The following C7 variants were observed in gnomAD, a reference collection of about 807,000 sequenced individuals.
C7 encodes complement component C7.
In C7, 83 loss-of-function variants were observed where a neutral mutation model predicts 104.8. The observed-to-expected ratio is 0.79, with a 90% CI of 0.66 to 0.95. C7 has a LOEUF of 0.95. Among genes scored for constraint, C7 ranks in the 40% least tolerant of loss-of-function variants. C7 has a pLI of 0.00. For synonymous variants in C7, 415 were observed against 360.6 expected (o/e 1.15, Z -1.71); for missense variants, 1,070 against 1,011.2 (o/e 1.06, Z -0.79).
At chr5:40,936,556 T>C (rs1739822269) in intron 5 of C7, 71 bp downstream of exon 5, 5 of 1,450,028 alleles carry the variant, frequency 3.4e-6, no homozygotes, top group Non-Finnish European at 3.8e-6. Flanking sequence ...TTTTATAGTT[T>C]GGTAAGTCTA....
intron 1 of C7, among the ~76,000 whole-genome samples, chr5:40,923,786 C>T (rs927775824): frequency 6.6e-6 from 1 of 151,378 alleles, no homozygotes; most frequent in South Asian, 2.1e-4. Context: ...AAATGTCATG[C>T]ACTTTAAAAC....
chr5:40,955,361 CTT>C (rs756494404), intron 9 of C7, 24 bp from the exon 10 acceptor site: 2 of 1,557,820 alleles, frequency 1.3e-6, no homozygotes, highest in South Asian at 2.5e-5. Context: ...AGACTTTTCA[CTT>C]TTCATTTGCT....
At chr5:40,972,346 T>C in intron 14 of C7, 57 bp from the exon 15 acceptor site, 1 of 1,461,528 alleles carries the variant, frequency 6.8e-7, no homozygotes, top group Non-Finnish European at 9.5e-7. Context: ...AAGACTTTTT[T>C]AAAAAGATGG....
chr5:40,959,432 T>C lies in C7; in HGVS notation c.1490-17T>C. On this transcript the variant is annotated splice_polypyrimidine_tract_variant and intron_variant, in intron 11 of 17. Coordinates refer to ENST00000313164, the MANE Select transcript of C7 (RefSeq NM_000587.4). Reference sequence around the variant, plus strand: ...CTCTTTAAGAACTTATTGATCAACCTCTTTCTCATCTTGTAGGAGGGGTTG... The same window carrying C: ...CTCTTTAAGAACTTATTGATCAACCCCTTTCTCATCTTGTAGGAGGGGTTG... 6.2e-7 allele frequency: 1 copy of C among 1,604,232 alleles called. No homozygotes were observed. Among genetic ancestry groups the C allele is most frequent in the Non-Finnish European group, 8.5e-7 (1 of 1,175,874 alleles).
chr5:40,954,500 TACTC>T (rs1335404623), intron 9 of C7, among the ~76,000 whole-genome samples: 15 of 152,192 alleles, frequency 9.9e-5, no homozygotes, highest in African/African-American at 3.4e-4. Context: ...CATAATGTGA[TACTC>T]ACACTAAAAA....
intron 13 of C7, 37 bp downstream of exon 13, chr5:40,962,209 T>C: frequency 8.3e-7 from 1 of 1,210,738 alleles, no homozygotes; most frequent in Non-Finnish European, 1.2e-6. Context: ...TTTATAATGC[T>C]CTAACTTCTA....
In C7 at chr5:40,984,195, C is replaced by T. The variant is rs548622187; in HGVS notation, c.*2622C>T. Among the ~76,000 whole-genome samples the T allele has an allele frequency of 6.6e-6, 1 of 152,250 alleles. No individual in the cohort carries two copies. Among genetic ancestry groups the T allele is most frequent in the South Asian group, 2.1e-4 (1 of 4,816 alleles). ...TCTCTAAGCCCTGAGATTTAATGAG[C>T]CCCATTCAAACTGTTATTAATGTAA... is the stretch of plus-strand genomic sequence containing the variant. On this transcript the variant is annotated 3_prime_UTR_variant, in exon 18 of 18. Coordinates refer to ENST00000313164, the MANE Select transcript of C7 (RefSeq NM_000587.4).
At position 40,982,518 on chromosome 5, in the gene C7, G is replaced by T. The variant is rs1061442; in HGVS notation, c.*945G>T. 0.19 allele frequency: 29,048 copies of T among 152,206 alleles called. 3,084 individuals are homozygous for T. Among genetic ancestry groups the T allele is most frequent in the Middle Eastern group, 0.36 (106 of 294 alleles). The allele number at this position is 152,206 out of a possible 1,614,324, so 9.4% of individuals were successfully genotyped here. ...AATTCATTATGCTGTGGTCACAGGG[G>T]TGTCTTGTCTGAGAACAAATACAAT... On this transcript the variant is annotated 3_prime_UTR_variant, in exon 18 of 18. Transcript: ENST00000313164.
At chr5:40,941,773 C>A (rs1327203757) in intron 6 of C7, among the ~76,000 whole-genome samples, 1 of 152,162 alleles carries the variant, frequency 6.6e-6, no homozygotes, top group Non-Finnish European at 1.5e-5. Flanking sequence ...GGTAAAGACC[C>A]ATTTGCAGGG....
intron 12 of C7, among the ~76,000 whole-genome samples, 191 bp from the exon 13 acceptor site, chr5:40,961,894 T>A (rs1174892136): frequency 6.6e-6 from 1 of 152,198 alleles, no homozygotes; most frequent in East Asian, 1.9e-4. Context: ...TTTTGTTAGC[T>A]TGAGTTTATG....
At chr5:40,976,269 C>T (rs771077156) in intron 15 of C7, among the ~76,000 whole-genome samples, 14 of 152,170 alleles carry the variant, frequency 9.2e-5, no homozygotes, top group Non-Finnish European at 1.8e-4. Flanking sequence ...TCATTATGGG[C>T]ACAGCAGGCA....
chr5:40,929,253 GTGT>G (rs770760240), intron 2 of C7, among the ~76,000 whole-genome samples: 2 of 152,146 alleles, frequency 1.3e-5, no homozygotes, highest in Non-Finnish European at 2.9e-5. Flanking sequence ...CAATATGAAT[GTGT>G]TAAGGGCTCT....
intron 13 of C7, among the ~76,000 whole-genome samples, chr5:40,962,540 C>T (rs1227641000): frequency 5.9e-5 from 9 of 151,690 alleles, no homozygotes; most frequent in African/African-American, 1.7e-4. Flanking sequence ...TTTTTTTTTC[C>T]CCCTCATAAC....
Position 40,947,688 on chromosome 5 carries a change from A to G in C7, c.825A>G (p.Pro275=), listed in dbSNP as rs1183792271. The G allele has an allele frequency of 1.2e-6, 2 of 1,613,776 alleles. No individual in the cohort carries two copies. The highest frequency in any genetic ancestry group is 1.7e-6 in the Non-Finnish European group (2 of 1,179,788). The change falls in exon 8 of 18, where the codon CCA becomes CCG. Residue 275 remains proline, a synonymous_variant. Coordinates refer to ENST00000313164, the MANE Select transcript of C7 (RefSeq NM_000587.4). ...CAGAATTTTTACAACTTGCTGAGCCATTCTGGAAGGAGCTTTCCCACCTCC... is the reference window on the plus strand; with the variant it reads ...CAGAATTTTTACAACTTGCTGAGCCGTTCTGGAAGGAGCTTTCCCACCTCC... ...NNPEFLQLAE[P]FWKELSHLPS... is the part of the protein sequence containing the mutation.
Position 40,958,267 on chromosome 5 carries a change from T to C in C7, c.1489+6T>C, listed in dbSNP as rs529977988. On this transcript the variant is annotated splice_donor_region_variant and intron_variant, in intron 11 of 17. Transcript: ENST00000313164. ...CCTCGTAGGGAATCAAGCAGGTCAG[T>C]GGGGTGAATTTTCTCTAGCCACCCT... 5 of 1,574,142 alleles carry C rather than the reference T, an allele frequency of 3.2e-6. No individual in the cohort carries two copies. The East Asian group carries it at 6.7e-5, about 21-fold the overall frequency.
chr5:40,952,537 C>T lies in C7; in HGVS notation c.1093+2523C>T, dbSNP rs185773539. Among the ~76,000 whole-genome samples the T allele has an allele frequency of 3.6e-3, 514 of 141,662 alleles. 4 individuals are homozygous for T. Among genetic ancestry groups the T allele is most frequent in the African/African-American group, 0.013 (497 of 38,634 alleles). The allele number at this position is 141,662 out of a possible 152,430, so 92.9% of individuals were successfully genotyped here. ...TACTTTAAGTTCTAGGGTACATGTG[C>T]ACAACGTGCAGGTTTGTTACATATG... On this transcript the variant is annotated intron_variant, in intron 9 of 17. Coordinates refer to ENST00000313164, the MANE Select transcript of C7 (RefSeq NM_000587.4).
At chr5:40,957,234 C>A (rs553398521) in intron 10 of C7, among the ~76,000 whole-genome samples, 28 of 152,264 alleles carry the variant, frequency 1.8e-4, no homozygotes, top group African/African-American at 6.3e-4. Context: ...GGAGAGCAGA[C>A]TGTTAAAACT....
chr5:40,911,632 T>G (rs530378883), intron 1 of C7, among the ~76,000 whole-genome samples: 1 of 152,310 alleles, frequency 6.6e-6, no homozygotes, highest in African/African-American at 2.4e-5. Context: ...GAGGTAGAGC[T>G]AATGCTCATT....
At chr5:40,952,478 TTTTA>T (rs147016821) in intron 9 of C7, among the ~76,000 whole-genome samples, 12 of 149,316 alleles carry the variant, frequency 8.0e-5, no homozygotes, top group South Asian at 6.4e-4. Flanking sequence ...CTGTAATTCT[TTTTA>T]TTTATTTATT....
Sources: gnomAD v4.1 joint callset for allele counts (sites outside exome capture counted in the v4.1 genomes callset) on GRCh38, gnomAD v4.1.1 for gene constraint, MANE v1.5 for transcripts, NCBI Gene and HGNC (gene_info 2026-07-23, HGNC 2026-07-21) for gene names.